Variants in CSMD1 observed in about 807,000 individuals in gnomAD.
The protein encoded by CSMD1 is CUB and Sushi multiple domains 1, also known as CUB and sushi domain-containing protein 1.
Under a neutral mutation model 417.5 loss-of-function variants are expected in CSMD1, and 213 were observed. That is an observed-to-expected ratio of 0.51 (90% CI 0.46 to 0.57). The LOEUF (loss-of-function observed/expected upper bound fraction) is 0.57. Ranked by LOEUF, CSMD1 falls within the 20% of genes least tolerant of loss-of-function variation. The pLI is 0.00. For missense variants in CSMD1, 6,923 were observed against 4,529.7 expected (o/e 1.53, Z -15.17); for synonymous variants, 2,862 against 1,736.8 (o/e 1.65, Z -16.11).
At chr8:3,312,456 C>G (rs1418845128) in intron 23 of CSMD1, among the ~76,000 whole-genome samples, 10 of 152,154 alleles carry the variant, frequency 6.6e-5, no homozygotes, top group Admixed American at 6.6e-4. Flanking sequence ...AAATACATTC[C>G]TCTTTCCTGT....
In CSMD1 at chr8:4,782,632, T is replaced by A. The variant is rs114795667; in HGVS notation, c.86-145074A>T. Among the ~76,000 whole-genome samples, 9 of 152,320 alleles carry A rather than the reference T, an allele frequency of 5.9e-5. No individual in the cohort carries two copies. In the East Asian group the frequency reaches 9.6e-4, roughly 16 times the overall value. The stretch of plus-strand genomic sequence containing the variant: ...AAATAAACTCTGCATGTACAGCTAT[T>A]TTTTACTGTATATTTTTGTACAATA... On this transcript the variant is annotated intron_variant, in intron 1 of 69. Transcript: ENST00000635120.
intron 2 of CSMD1, among the ~76,000 whole-genome samples, chr8:4,467,307 C>A (rs1466450230): frequency 2.0e-5 from 3 of 152,108 alleles, no homozygotes; most frequent in Admixed American, 6.6e-5. Flanking sequence ...AAGGAGGAGT[C>A]ACTATACAGA....
At chr8:4,053,383 C>T (rs566002339) in intron 3 of CSMD1, among the ~76,000 whole-genome samples, 67 of 151,494 alleles carry the variant, frequency 4.4e-4, no homozygotes, top group African/African-American at 1.5e-3. Flanking sequence ...ACAGTGTGTG[C>T]GCTGACTGCC....
intron 5 of CSMD1, among the ~76,000 whole-genome samples, chr8:3,793,330 G>A (rs1324232188): frequency 6.6e-6 from 1 of 152,162 alleles, no homozygotes; most frequent in African/African-American, 2.4e-5. Context: ...TATGCAGCTA[G>A]AATGTCCATG....
intron 3 of CSMD1, among the ~76,000 whole-genome samples, chr8:4,088,073 A>G (rs57732526): frequency 0.17 from 25,700 of 152,216 alleles, 2,577 homozygotes; most frequent in South Asian, 0.38. Flanking sequence ...CACAGTAACA[A>G]TGACTAGAGG....
At chr8:3,835,655 T>C (rs1261624957) in intron 5 of CSMD1, among the ~76,000 whole-genome samples, 1 of 150,438 alleles carries the variant, frequency 6.6e-6, no homozygotes, top group Non-Finnish European at 1.5e-5. Context: ...GGCACATGTA[T>C]ACATATGTAA....
chr8:3,605,890 C>T (rs919987445), intron 8 of CSMD1, among the ~76,000 whole-genome samples: 1 of 152,142 alleles, frequency 6.6e-6, no homozygotes, highest in Non-Finnish European at 1.5e-5. Flanking sequence ...GTTTAGCAGA[C>T]TATTAATGAG....
At chr8:4,147,300 G>A (rs149417174) in intron 3 of CSMD1, among the ~76,000 whole-genome samples, 6 of 151,928 alleles carry the variant, frequency 3.9e-5, no homozygotes, top group African/African-American at 7.3e-5. Flanking sequence ...AGTTCCCAGC[G>A]GGGAAGGGGA....
intron 5 of CSMD1, among the ~76,000 whole-genome samples, chr8:3,827,605 C>T (rs556396965): frequency 6.6e-6 from 1 of 152,186 alleles, no homozygotes; most frequent in Non-Finnish European, 1.5e-5. Flanking sequence ...ATGAAATGAA[C>T]TATTCATATG....
intron 52 of CSMD1, 110 bp from the exon 53 acceptor site, chr8:3,000,241 T>C (rs7842047): frequency 0.12 from 69,294 of 562,122 alleles, 5,271 homozygotes; most frequent in African/African-American, 0.28. Flanking sequence ...CGCAACATAT[T>C]GAAATCTTTA....
At chr8:3,717,555 G>C (rs773789809) in intron 6 of CSMD1, among the ~76,000 whole-genome samples, 13 of 152,114 alleles carry the variant, frequency 8.5e-5, no homozygotes, top group Admixed American at 2.0e-4. Flanking sequence ...GGTTATTGCA[G>C]AATATTTGAG....
chr8:3,997,819 G>C (rs1585104238), intron 5 of CSMD1, 84 bp downstream of exon 5: 1 of 1,269,756 alleles, frequency 7.9e-7, no homozygotes, highest in Non-Finnish European at 1.1e-6. Flanking sequence ...AACGTCCAGA[G>C]ACAAGCAATT....
At chr8:3,465,083 A>G (rs1816722612) in intron 12 of CSMD1, among the ~76,000 whole-genome samples, 1 of 152,180 alleles carries the variant, frequency 6.6e-6, no homozygotes, top group Admixed American at 6.6e-5. Flanking sequence ...ACACATGCCA[A>G]CTGAAGTCTA....
At chr8:4,340,002 C>A (rs925040006) in intron 3 of CSMD1, among the ~76,000 whole-genome samples, 4 of 152,036 alleles carry the variant, frequency 2.6e-5, no homozygotes, top group Non-Finnish European at 4.4e-5. Flanking sequence ...CCAGCCTGGA[C>A]AACAGAACCA....
At position 4,056,376 on chromosome 8, in the gene CSMD1, C is replaced by A. The variant is rs577775476; in HGVS notation, c.416-24277G>T. ...GGGATTATAGGCATGAGCCACCATGCCCAGCCATATTGGTGAATTTCTTTT... is the reference window on the plus strand; with the variant it reads ...GGGATTATAGGCATGAGCCACCATGACCAGCCATATTGGTGAATTTCTTTT... On this transcript the variant is annotated intron_variant, in intron 3 of 69. Coordinates refer to ENST00000635120, the MANE Select transcript of CSMD1 (RefSeq NM_033225.6). Among the ~76,000 whole-genome samples, 187 of 151,538 alleles carry A rather than the reference C, an allele frequency of 1.2e-3. 1 individual carries two copies. The highest frequency in any genetic ancestry group is 4.4e-3 in the African/African-American group (181 of 41,306).
intron 7 of CSMD1, among the ~76,000 whole-genome samples, chr8:3,648,370 C>G (rs1797682354): frequency 6.6e-6 from 1 of 152,050 alleles, no homozygotes; most frequent in East Asian, 1.9e-4. Flanking sequence ...GAGAAATTTT[C>G]AAATTAAGAC....
chr8:3,999,838 C>T (rs991542897), intron 4 of CSMD1, among the ~76,000 whole-genome samples: 1 of 152,170 alleles, frequency 6.6e-6, no homozygotes, highest in African/African-American at 2.4e-5. Context: ...GTTAGCCAGT[C>T]TGTGACTCCC....
At chr8:3,962,458 G>C (rs567579993) in intron 5 of CSMD1, among the ~76,000 whole-genome samples, 1 of 152,114 alleles carries the variant, frequency 6.6e-6, no homozygotes, top group Non-Finnish European at 1.5e-5. Flanking sequence ...AGGGAGCATG[G>C]ATCTCCTTGG....
chr8:4,483,744 C>T (rs1036475070), intron 2 of CSMD1, among the ~76,000 whole-genome samples: 1 of 152,068 alleles, frequency 6.6e-6, no homozygotes, highest in Non-Finnish European at 1.5e-5. Flanking sequence ...AGAAAATAAT[C>T]CTGAACAAAA....
Sources: gnomAD v4.1 joint callset for allele counts (sites outside exome capture counted in the v4.1 genomes callset) on GRCh38, gnomAD v4.1.1 for gene constraint, MANE v1.5 for transcripts, NCBI Gene and HGNC (gene_info 2026-07-23, HGNC 2026-07-21) for gene names.